Variants in ZNF385D observed in about 807,000 individuals in gnomAD.
ZNF385D encodes the protein zinc finger protein 659.
Under a neutral mutation model 35.8 loss-of-function variants are expected in ZNF385D, and 15 were observed. The ratio of observed to expected loss-of-function variants is 0.42; its 90% CI spans 0.28 to 0.64. The LOEUF is 0.64. Among genes scored for constraint, ZNF385D ranks in the 30% least tolerant of loss-of-function variants. ZNF385D has a pLI of 0.23. For synonymous variants in ZNF385D, 212 were observed against 186.8 expected (o/e 1.13, Z -1.10); for missense variants, 474 against 494.6 (o/e 0.96, Z 0.39).
intron 3 of ZNF385D, among the ~76,000 whole-genome samples, chr3:21,946,147 C>T (rs1464551318): frequency 6.6e-6 from 1 of 152,120 alleles, no homozygotes; most frequent in Non-Finnish European, 1.5e-5. Flanking sequence ...AGGATCTTCT[C>T]TTTTGGAGAA....
rs143822479 is a variant in ZNF385D, at chr3:21,648,829, C to A, written c.165+16057G>T. ...TAGGTGTGTTCCAACAAAAAAGATA[C>A]GGAGTGATATTTCATTTAGTCCACA... On this transcript the variant is annotated intron_variant, in intron 2 of 7. Coordinates refer to ENST00000281523, the MANE Select transcript of ZNF385D (RefSeq NM_024697.3). Among the ~76,000 whole-genome samples, 517 of 152,284 alleles carry A rather than the reference C, an allele frequency of 3.4e-3. 4 individuals are homozygous for A. Among genetic ancestry groups the A allele is most frequent in the African/African-American group, 0.012 (485 of 41,556 alleles).
At position 21,449,196 on chromosome 3, in the gene ZNF385D, C is replaced by T. The variant is rs377682570; in HGVS notation, c.440-11993G>A. On this transcript the variant is annotated intron_variant, in intron 4 of 7. Transcript: ENST00000281523. ...TTAATAAAGTATGCTAAGAATTAAT[C>T]TCAAAATAAATCTGTGTTATCTCTG... 3.3e-5 allele frequency among the ~76,000 whole-genome samples: 5 copies of T among 151,676 alleles called. No individual in the cohort carries two copies. The East Asian group carries it at 5.8e-4, about 18-fold the overall frequency.
chr3:22,031,350 C>G (rs1422891759), intron 3 of ZNF385D, among the ~76,000 whole-genome samples: 2 of 151,988 alleles, frequency 1.3e-5, no homozygotes, highest in Non-Finnish European at 2.9e-5. Flanking sequence ...AGGCTTCTGT[C>G]TGGACATCCA....
intron 2 of ZNF385D, among the ~76,000 whole-genome samples, chr3:22,304,316 G>A (rs542020939): frequency 9.9e-5 from 15 of 152,154 alleles, no homozygotes; most frequent in African/African-American, 3.4e-4. Flanking sequence ...TCAAAATCTT[G>A]CTGTTCCTGA....
chr3:21,670,196 A>G (rs1448493882), intron 1 of ZNF385D, among the ~76,000 whole-genome samples: 1 of 152,088 alleles, frequency 6.6e-6, no homozygotes, highest in African/African-American at 2.4e-5. Context: ...TCATTTCTAT[A>G]GTATCTTTAG....
At chr3:22,348,493 A>AAG (rs1383035653) in intron 2 of ZNF385D, among the ~76,000 whole-genome samples, 5 of 150,068 alleles carry the variant, frequency 3.3e-5, no homozygotes, top group African/African-American at 4.9e-5. Flanking sequence ...ACTAAAAAAA[A>AAG]AAAAAAAAAA....
chr3:21,886,246 G>A (rs1295368271), intron 3 of ZNF385D, among the ~76,000 whole-genome samples: 1 of 152,002 alleles, frequency 6.6e-6, no homozygotes, highest in Non-Finnish European at 1.5e-5. Flanking sequence ...ATAAAGTTAA[G>A]CCTGGATGAT....
At chr3:22,113,373 C>A (rs1022290668) in intron 3 of ZNF385D, among the ~76,000 whole-genome samples, 2 of 152,012 alleles carry the variant, frequency 1.3e-5, no homozygotes, top group East Asian at 1.9e-4. Flanking sequence ...ACTATACTAC[C>A]TTATATAGTG....
intron 4 of ZNF385D, among the ~76,000 whole-genome samples, chr3:21,453,429 C>A (rs1207704244): frequency 1.3e-5 from 2 of 151,808 alleles, no homozygotes; most frequent in African/African-American, 4.8e-5. Context: ...AGTGAGAAAA[C>A]AATCCATTAA....
intron 1 of ZNF385D, among the ~76,000 whole-genome samples, chr3:21,736,145 T>C (rs2069232250): frequency 1.3e-5 from 2 of 152,142 alleles, no homozygotes; most frequent in Non-Finnish European, 2.9e-5. Flanking sequence ...TTTTGTAAAA[T>C]AGAGATAATG....
At chr3:21,910,771 G>T (rs772200400) in intron 3 of ZNF385D, among the ~76,000 whole-genome samples, 1 of 151,572 alleles carries the variant, frequency 6.6e-6, no homozygotes, top group African/African-American at 2.4e-5. Context: ...GGAATACAAA[G>T]AATACTAGAT....
At chr3:21,765,746 G>GAGAGAGAAAGAGAGAGAGACAT (rs1553656857) in intron 3 of ZNF385D, among the ~76,000 whole-genome samples, 1 of 82,450 alleles carries the variant, frequency 1.2e-5, no homozygotes, top group Admixed American at 1.4e-4. Flanking sequence ...GAGAGAGACA[G>GAGAGAGAAAGAGAGAGAGACAT]AGAGAGAGAG....
intron 3 of ZNF385D, among the ~76,000 whole-genome samples, chr3:21,841,777 T>C (rs1182409003): frequency 6.6e-6 from 1 of 151,910 alleles, no homozygotes. Context: ...ACTTTATTGG[T>C]TTAATTTTTG....
chr3:21,921,457 A>G (rs986257668), intron 3 of ZNF385D, among the ~76,000 whole-genome samples: 7 of 152,154 alleles, frequency 4.6e-5, no homozygotes, highest in Admixed American at 3.3e-4. Flanking sequence ...CATTACTTAA[A>G]GACAAAAGAC....
intron 3 of ZNF385D, chr3:21,511,665 G>C: frequency 2.2e-6 from 1 of 455,296 alleles, no homozygotes; most frequent in South Asian, 1.6e-5. Flanking sequence ...TTTTTTCAGC[G>C]CATGGATCTT....
At chr3:22,024,552 T>A (rs1287658643) in intron 3 of ZNF385D, among the ~76,000 whole-genome samples, 1 of 152,116 alleles carries the variant, frequency 6.6e-6, no homozygotes, top group Non-Finnish European at 1.5e-5. Context: ...ATATTAATAG[T>A]ATGGAGAACT....
At chr3:21,569,225 G>C (rs1370936639) in intron 2 of ZNF385D, among the ~76,000 whole-genome samples, 1 of 149,796 alleles carries the variant, frequency 6.7e-6, no homozygotes, top group Non-Finnish European at 1.5e-5. Context: ...CTCAGGACTT[G>C]CTTTATGAAT....
At chr3:22,162,328 G>A (rs1706012444) in intron 3 of ZNF385D, among the ~76,000 whole-genome samples, 2 of 152,066 alleles carry the variant, frequency 1.3e-5, no homozygotes, top group Non-Finnish European at 2.9e-5. Flanking sequence ...GTCTTTTTGT[G>A]GGAGGGTTTA....
chr3:22,273,259 C>T (rs1576596488), intron 2 of ZNF385D, among the ~76,000 whole-genome samples: 1 of 151,966 alleles, frequency 6.6e-6, no homozygotes, highest in Non-Finnish European at 1.5e-5. Context: ...TCTGTAGAAC[C>T]TGTAACTAAT....
Sources: gnomAD v4.1 joint callset for allele counts (sites outside exome capture counted in the v4.1 genomes callset) on GRCh38, gnomAD v4.1.1 for gene constraint, MANE v1.5 for transcripts, NCBI Gene and HGNC (gene_info 2026-07-23, HGNC 2026-07-21) for gene names.